Variants in TTC28 observed in about 807,000 individuals in gnomAD.
The protein encoded by TTC28 is tetratricopeptide repeat domain 28, also known as tetratricopeptide repeat protein 28.
Under a neutral mutation model 198.0 loss-of-function variants are expected in TTC28, and 61 were observed. The ratio of observed to expected loss-of-function variants is 0.31; its 90% CI spans 0.25 to 0.38. The LOEUF (loss-of-function observed/expected upper bound fraction) is 0.38. Ranked by LOEUF, TTC28 falls within the 10% of genes least tolerant of loss-of-function variation. The pLI, the probability that TTC28 is intolerant of heterozygous loss-of-function variation, is 1.00. For missense variants in TTC28, 2,678 were observed against 3,164.0 expected, an observed-to-expected ratio of 0.85 and a Z score of 3.69; for synonymous variants, 1,171 against 1,297.8, an observed-to-expected ratio of 0.90 and a Z score of 2.10.
intron 2 of TTC28, among the ~76,000 whole-genome samples, chr22:28,548,028 A>T (rs556012758): frequency 3.9e-5 from 6 of 152,188 alleles, no homozygotes; most frequent in Non-Finnish European, 8.8e-5. Context: ...CTTATGTCAC[A>T]TAATTCAAAT....
chr22:28,497,139 G>A (rs935037947), intron 2 of TTC28, among the ~76,000 whole-genome samples: 6 of 152,018 alleles, frequency 3.9e-5, no homozygotes, highest in South Asian at 2.1e-4. Context: ...AGAACTTATC[G>A]ACATCTAATA....
At chr22:28,455,756 T>C (rs774006124) in intron 2 of TTC28, among the ~76,000 whole-genome samples, 26 of 152,002 alleles carry the variant, frequency 1.7e-4, no homozygotes, top group Non-Finnish European at 3.2e-4. Flanking sequence ...AATGTTCCCT[T>C]CATTGGGTTG....
At chr22:28,045,221 T>C (rs561780000) in intron 12 of TTC28, among the ~76,000 whole-genome samples, 3 of 152,216 alleles carry the variant, frequency 2.0e-5, no homozygotes, top group African/African-American at 7.2e-5. Flanking sequence ...CAGAAGCATT[T>C]TGAATTTTTG....
chr22:28,065,192 T>A (rs1354436057), intron 12 of TTC28, among the ~76,000 whole-genome samples: 1 of 152,152 alleles, frequency 6.6e-6, no homozygotes, highest in Non-Finnish European at 1.5e-5. Flanking sequence ...TCAGTGATTA[T>A]GGACACACGT....
intron 2 of TTC28, among the ~76,000 whole-genome samples, chr22:28,382,263 T>A (rs1230393445): frequency 6.6e-6 from 1 of 152,120 alleles, no homozygotes; most frequent in Non-Finnish European, 1.5e-5. Context: ...GATACAAATA[T>A]AAGTATACTA....
At chr22:28,123,194 GT>G (rs1320558365) in intron 6 of TTC28, among the ~76,000 whole-genome samples, 1 of 151,746 alleles carries the variant, frequency 6.6e-6, no homozygotes, top group Non-Finnish European at 1.5e-5. Flanking sequence ...CCTTCTCTTT[GT>G]TCTTTCCTTC....
intron 2 of TTC28, among the ~76,000 whole-genome samples, chr22:28,421,070 T>TA (rs1372994088): frequency 9.2e-5 from 14 of 152,220 alleles, no homozygotes; most frequent in African/African-American, 3.1e-4. Flanking sequence ...AAAGCAAAAA[T>TA]ACCTTATTCT....
intron 12 of TTC28, among the ~76,000 whole-genome samples, chr22:28,086,233 C>G (rs993788296): frequency 1.3e-5 from 2 of 152,126 alleles, no homozygotes; most frequent in African/African-American, 4.8e-5. Context: ...CCACACCACA[C>G]CTATTCCAAA....
At chr22:28,615,602 A>ATAC (rs2050891314) in intron 2 of TTC28, among the ~76,000 whole-genome samples, 1 of 152,190 alleles carries the variant, frequency 6.6e-6, no homozygotes, top group African/African-American at 2.4e-5. Context: ...ACACCATGGA[A>ATAC]TACTACACAG....
At chr22:28,282,985 T>C (rs2044613646) in intron 5 of TTC28, among the ~76,000 whole-genome samples, 2 of 152,174 alleles carry the variant, frequency 1.3e-5, no homozygotes, top group South Asian at 2.1e-4. Context: ...AAGAGCTTTT[T>C]ATAACTCACT....
chr22:28,361,959 C>A (rs1457574579), intron 2 of TTC28, among the ~76,000 whole-genome samples: 1 of 152,188 alleles, frequency 6.6e-6, no homozygotes, highest in African/African-American at 2.4e-5. Flanking sequence ...TATTGAGACC[C>A]TACTGATCAA....
At chr22:28,071,523 C>T (rs12168822) in intron 12 of TTC28, among the ~76,000 whole-genome samples, 1 of 139,626 alleles carries the variant, frequency 7.2e-6, no homozygotes, top group Non-Finnish European at 1.5e-5. Context: ...ATAGGTGGGA[C>T]TTGAACAATG....
chr22:28,679,363 C>A (rs566078623), intron 1 of TTC28, among the ~76,000 whole-genome samples: 171 of 152,282 alleles, frequency 1.1e-3, no homozygotes, highest in Non-Finnish European at 1.9e-3. Context: ...TACCGACACC[C>A]CCCACCCCGG....
At chr22:28,364,180 C>A (rs2046207418) in intron 2 of TTC28, among the ~76,000 whole-genome samples, 1 of 152,168 alleles carries the variant, frequency 6.6e-6, no homozygotes, top group South Asian at 2.1e-4. Context: ...ATCATGTGGG[C>A]AAGTCTTTCC....
intron 5 of TTC28, among the ~76,000 whole-genome samples, chr22:28,274,566 T>C (rs1336798436): frequency 6.6e-6 from 1 of 152,220 alleles, no homozygotes; most frequent in Non-Finnish European, 1.5e-5. Context: ...AAGACATTTC[T>C]GTGGTGAACC....
At chr22:28,640,321 G>C (rs1305888989) in intron 1 of TTC28, among the ~76,000 whole-genome samples, 1 of 142,816 alleles carries the variant, frequency 7.0e-6, no homozygotes, top group Non-Finnish European at 1.5e-5. Context: ...AAGGGGGGGG[G>C]GGGAAAGATG....
At chr22:28,447,615 C>T (rs1183969399) in intron 2 of TTC28, among the ~76,000 whole-genome samples, 1 of 152,154 alleles carries the variant, frequency 6.6e-6, no homozygotes, top group Non-Finnish European at 1.5e-5. Context: ...ATGCATACCA[C>T]ACATGGCCTG....
chr22:28,463,751 G>A (rs544080566), intron 2 of TTC28, among the ~76,000 whole-genome samples: 15 of 151,992 alleles, frequency 9.9e-5, no homozygotes, highest in South Asian at 2.1e-4. Context: ...ATCACACACC[G>A]GGGCCTGTTG....
chr22:28,049,678 G>T (rs1161152342), intron 12 of TTC28, among the ~76,000 whole-genome samples: 2 of 152,206 alleles, frequency 1.3e-5, no homozygotes, highest in East Asian at 3.9e-4. Context: ...ATAATGTGAG[G>T]TGGTAAGCAT....
Sources: allele counts gnomAD v4.1 joint callset (sites outside exome capture counted in the v4.1 genomes callset), GRCh38; gene constraint gnomAD v4.1.1; transcripts MANE v1.5; gene names NCBI Gene and HGNC (gene_info 2026-07-23, HGNC 2026-07-21).